MDGA2: variants seen among roughly 807,000 people sequenced by gnomAD.
The protein encoded by MDGA2 is MAM domain-containing glycosylphosphatidylinositol anchor protein 2.
MDGA2 carries 40 observed loss-of-function variants against 117.8 expected under a neutral mutation model. The observed-to-expected ratio is 0.34, with a 90% confidence interval of 0.26 to 0.44. The LOEUF (loss-of-function observed/expected upper bound fraction) is 0.44, where lower values mean the gene tolerates loss of function less well. MDGA2 is among the 20% of genes least tolerant of loss of function. The pLI is 1.00. For synonymous variants in MDGA2, 452 were observed against 439.0 expected (o/e 1.03, Z -0.37); for missense variants, 1,123 against 1,250.6 (o/e 0.90, Z 1.54).
At chr14:47,408,173 A>G (rs1892299744) in intron 1 of MDGA2, among the ~76,000 whole-genome samples, 1 of 147,574 alleles carries the variant, frequency 6.8e-6, no homozygotes, top group African/African-American at 2.5e-5. Context: ...CTCCTGCCTC[A>G]GCCTCCTGAG....
At chr14:47,304,351 T>C (rs1009685894) in intron 1 of MDGA2, among the ~76,000 whole-genome samples, 9 of 152,188 alleles carry the variant, frequency 5.9e-5, no homozygotes, top group Admixed American at 2.0e-4. Context: ...CCTATTGTTC[T>C]TTTCATTACT....
intron 1 of MDGA2, among the ~76,000 whole-genome samples, chr14:47,370,862 C>T (rs573794103): frequency 6.6e-6 from 1 of 151,748 alleles, no homozygotes; most frequent in South Asian, 2.1e-4. Flanking sequence ...CACTACCTAA[C>T]CACTTCTTAA....
At chr14:47,075,055 T>C (rs1227425692) in intron 6 of MDGA2, among the ~76,000 whole-genome samples, 1 of 152,188 alleles carries the variant, frequency 6.6e-6, no homozygotes, top group East Asian at 1.9e-4. Flanking sequence ...TTTCCTTTAC[T>C]CTTTTCAGTC....
rs12590462 is a variant in MDGA2, at chr14:46,957,352, A to C, written c.2089+22T>G. The C allele has an allele frequency of 3.0e-4, 483 of 1,602,146 alleles. 3 individuals carry two copies. In the East Asian group the frequency reaches 5.7e-3, roughly 19 times the overall value. On this transcript the variant is annotated intron_variant, in intron 9 of 16. Transcript: ENST00000399232. ...GGTCTAATAAAACAAAATGTATAAA[A>C]AGAAAATATCTGGAATCCTACCTGT...
At chr14:47,037,592 T>C (rs1304436680) in intron 7 of MDGA2, among the ~76,000 whole-genome samples, 1 of 152,214 alleles carries the variant, frequency 6.6e-6, no homozygotes, top group African/African-American at 2.4e-5. Flanking sequence ...ACAGTAAGTA[T>C]TTTGCAAATT....
At chr14:47,135,407 C>A (rs1194723921) in intron 4 of MDGA2, among the ~76,000 whole-genome samples, 1 of 151,994 alleles carries the variant, frequency 6.6e-6, no homozygotes, top group East Asian at 1.9e-4. Context: ...TACTAAAAAT[C>A]ACCAATAGTA....
chr14:46,880,803 CAA>C (rs568224124), intron 11 of MDGA2, among the ~76,000 whole-genome samples: 1,347 of 54,180 alleles, frequency 0.025, 45 homozygotes, highest in East Asian at 0.2. Flanking sequence ...ATCCCGTCTC[CAA>C]AAAAAAAAAA....
At chr14:47,039,971 A>T (rs1889004573) in intron 7 of MDGA2, among the ~76,000 whole-genome samples, 1 of 152,122 alleles carries the variant, frequency 6.6e-6, no homozygotes, top group Non-Finnish European at 1.5e-5. Flanking sequence ...TTGCTTCACT[A>T]TAGCAACCAT....
At chr14:47,108,164 C>T (rs1880827819) in intron 5 of MDGA2, among the ~76,000 whole-genome samples, 1 of 152,072 alleles carries the variant, frequency 6.6e-6, no homozygotes, top group South Asian at 2.1e-4. Context: ...ATACTTTTAC[C>T]ACATTCCCTT....
intron 1 of MDGA2, among the ~76,000 whole-genome samples, chr14:47,429,304 AT>A (rs1257267870): frequency 6.6e-6 from 1 of 151,974 alleles, no homozygotes; most frequent in Non-Finnish European, 1.5e-5. Flanking sequence ...ACACATATAT[AT>A]TTTTATATGT....
chr14:46,910,146 T>C (rs1883643276), intron 10 of MDGA2, among the ~76,000 whole-genome samples: 1 of 152,150 alleles, frequency 6.6e-6, no homozygotes, highest in Non-Finnish European at 1.5e-5. Flanking sequence ...TTATATGAAT[T>C]GACATAAGGT....
At chr14:46,962,328 G>A (rs2066309) in intron 8 of MDGA2, among the ~76,000 whole-genome samples, 9,449 of 152,130 alleles carry the variant, frequency 0.062, 406 homozygotes, top group Middle Eastern at 0.1. Context: ...GCACTCCCTT[G>A]GGAGTGGGAA....
intron 7 of MDGA2, among the ~76,000 whole-genome samples, chr14:47,056,864 A>G (rs1264127005): frequency 1.3e-5 from 2 of 152,152 alleles, no homozygotes; most frequent in Non-Finnish European, 2.9e-5. Context: ...TAAAATTCAC[A>G]TGCATTTTTC....
intron 1 of MDGA2, among the ~76,000 whole-genome samples, chr14:47,642,925 G>A (rs1897456018): frequency 6.6e-6 from 1 of 151,960 alleles, no homozygotes; most frequent in South Asian, 2.1e-4. Flanking sequence ...AAGACTAATG[G>A]GACTTGGGCT....
intron 1 of MDGA2, among the ~76,000 whole-genome samples, chr14:47,334,500 C>T (rs949067526): frequency 6.6e-6 from 1 of 151,888 alleles, no homozygotes; most frequent in East Asian, 1.9e-4. Flanking sequence ...GATTATAATA[C>T]ATCCACAGGA....
At chr14:47,588,265 C>CATATAT (rs1896370091) in intron 1 of MDGA2, among the ~76,000 whole-genome samples, 4 of 113,400 alleles carry the variant, frequency 3.5e-5, no homozygotes, top group African/African-American at 1.6e-4. Context: ...TATATATACA[C>CATATAT]ACACACACAC....
At position 47,625,329 on chromosome 14, in the gene MDGA2, T is replaced by G. The variant is rs547659013; in HGVS notation, c.280+49188A>C. Reference sequence around the variant, plus strand: ...CAAAAACAAAAAAAAAAGTATGTCATTTAACTTCAGAATACAAGATTCTTT... The same window carrying G: ...CAAAAACAAAAAAAAAAGTATGTCAGTTAACTTCAGAATACAAGATTCTTT... On this transcript the variant is annotated intron_variant, in intron 1 of 16. Coordinates refer to ENST00000399232, the MANE Select transcript of MDGA2 (RefSeq NM_001113498.3). 2.3e-4 allele frequency among the ~76,000 whole-genome samples: 35 copies of G among 152,272 alleles called. No homozygotes were observed. In the South Asian group the frequency reaches 6.8e-3, roughly 30 times the overall value.
At chr14:47,521,263 T>G (rs753459650) in intron 1 of MDGA2, among the ~76,000 whole-genome samples, 1 of 152,250 alleles carries the variant, frequency 6.6e-6, no homozygotes, top group Admixed American at 6.5e-5. Context: ...AGTTTTTAGA[T>G]GATATCACAT....
chr14:47,491,342 T>C (rs1022386832), intron 1 of MDGA2, among the ~76,000 whole-genome samples: 3 of 151,750 alleles, frequency 2.0e-5, no homozygotes, highest in Non-Finnish European at 4.4e-5. Flanking sequence ...GTCTTAGGAG[T>C]ACAGATTTTG....
Sources: gnomAD v4.1 joint callset for allele counts (sites outside exome capture counted in the v4.1 genomes callset) on GRCh38, gnomAD v4.1.1 for gene constraint, MANE v1.5 for transcripts, NCBI Gene and HGNC (gene_info 2026-07-23, HGNC 2026-07-21) for gene names.